The following TRPC6 variants were observed in gnomAD, a reference collection of about 807,000 sequenced individuals.
TRPC6 encodes the protein transient receptor potential cation channel subfamily C member 6.
TRPC6 carries 55 observed loss-of-function variants against 90.7 expected under a neutral mutation model. That is an observed-to-expected ratio of 0.61 (90% confidence interval 0.49 to 0.76). The LOEUF is 0.76. TRPC6 is among the 30% of genes least tolerant of loss of function. The pLI is 0.00. For synonymous variants in TRPC6, 393 were observed against 393.0 expected (o/e 1.00, Z 0.00); for missense variants, 989 against 1,122.7 (o/e 0.88, Z 1.70).
At chr11:101,465,451 C>T (rs1028758364) in intron 10 of TRPC6, among the ~76,000 whole-genome samples, 5 of 152,144 alleles carry the variant, frequency 3.3e-5, no homozygotes, top group Admixed American at 6.5e-5. Context: ...GGTCTTTCCA[C>T]GTAGTCCCAT....
intron 10 of TRPC6, among the ~76,000 whole-genome samples, chr11:101,463,122 C>G (rs543717826): frequency 6.6e-6 from 1 of 152,040 alleles, no homozygotes; most frequent in East Asian, 1.9e-4. Flanking sequence ...TATCGATTTG[C>G]GTATGTTGAA....
At chr11:101,519,163 C>G (rs1422506819) in intron 1 of TRPC6, among the ~76,000 whole-genome samples, 1 of 152,106 alleles carries the variant, frequency 6.6e-6, no homozygotes, top group Non-Finnish European at 1.5e-5. Context: ...AATGACTTAA[C>G]TGTGTATTTA....
chr11:101,532,115 A>G, intron 1 of TRPC6, among the ~76,000 whole-genome samples: 1 of 152,248 alleles, frequency 6.6e-6, no homozygotes, highest in East Asian at 1.9e-4. Flanking sequence ...ACCCAAGGGC[A>G]CATGTATCCT....
intron 1 of TRPC6, among the ~76,000 whole-genome samples, chr11:101,544,730 G>C (rs988148215): frequency 6.6e-6 from 1 of 151,990 alleles, no homozygotes; most frequent in African/African-American, 2.4e-5. Context: ...GGGCCTGTTG[G>C]GGGTGGCGGG....
intron 1 of TRPC6, among the ~76,000 whole-genome samples, chr11:101,581,624 T>TA (rs34336352): frequency 0.73 from 110,563 of 152,106 alleles, 40,578 homozygotes; most frequent in East Asian, 0.99. Context: ...ATCTCAAGTT[T>TA]AACCAATAAA....
intron 10 of TRPC6, among the ~76,000 whole-genome samples, chr11:101,463,430 A>T (rs1859056253): frequency 6.6e-6 from 1 of 152,142 alleles, no homozygotes; most frequent in African/African-American, 2.4e-5. Context: ...CTATGAATCT[A>T]TCTGGTCCTG....
intron 7 of TRPC6, among the ~76,000 whole-genome samples, chr11:101,472,906 T>C (rs1859326857): frequency 6.6e-6 from 1 of 152,092 alleles, no homozygotes; most frequent in Admixed American, 6.6e-5. Flanking sequence ...ACATTTCAGT[T>C]GTTGCTTCTT....
chr11:101,485,311 CTCAA>C (rs1416436489), intron 4 of TRPC6, among the ~76,000 whole-genome samples: 3 of 151,188 alleles, frequency 2.0e-5, no homozygotes, highest in African/African-American at 4.9e-5. Context: ...AAATCAAACT[CTCAA>C]TCAAACGATG....
chr11:101,470,975 A>T (rs1859279912), intron 9 of TRPC6, among the ~76,000 whole-genome samples: 1 of 151,782 alleles, frequency 6.6e-6, no homozygotes, highest in Non-Finnish European at 1.5e-5. Flanking sequence ...TATTTCATGA[A>T]TTTTTCTTAC....
chr11:101,545,261 C>G (rs1861275414), intron 1 of TRPC6, among the ~76,000 whole-genome samples: 1 of 152,008 alleles, frequency 6.6e-6, no homozygotes, highest in South Asian at 2.1e-4. Context: ...AGCAATACAA[C>G]AACTATTACA....
At chr11:101,551,695 C>A (rs532522094) in intron 1 of TRPC6, among the ~76,000 whole-genome samples, 22 of 152,060 alleles carry the variant, frequency 1.4e-4, no homozygotes, top group African/African-American at 5.1e-4. Flanking sequence ...CAATTATTTA[C>A]AGATGGGTCT....
At chr11:101,575,298 T>G (rs1234143958) in intron 1 of TRPC6, among the ~76,000 whole-genome samples, 3 of 152,196 alleles carry the variant, frequency 2.0e-5, no homozygotes, top group Non-Finnish European at 4.4e-5. Flanking sequence ...CGACACAATT[T>G]TGTTAACATT....
chr11:101,462,035 T>C (rs998253214), intron 10 of TRPC6, among the ~76,000 whole-genome samples: 28 of 152,366 alleles, frequency 1.8e-4, no homozygotes, highest in African/African-American at 6.5e-4. Flanking sequence ...TTTCTGCGTA[T>C]GGCTAGCCAG....
At chr11:101,580,896 A>G (rs1187397630) in intron 1 of TRPC6, among the ~76,000 whole-genome samples, 1 of 152,222 alleles carries the variant, frequency 6.6e-6, no homozygotes, top group Non-Finnish European at 1.5e-5. Flanking sequence ...CTACTCTACC[A>G]GAGGGAGTAA....
chr11:101,505,647 A>G (rs1860244782), intron 1 of TRPC6, among the ~76,000 whole-genome samples: 1 of 152,174 alleles, frequency 6.6e-6, no homozygotes, highest in Non-Finnish European at 1.5e-5. Flanking sequence ...TCAGGTAGGA[A>G]AAAACACTTC....
chr11:101,558,163 A>G (rs1861601902), intron 1 of TRPC6, among the ~76,000 whole-genome samples: 1 of 147,804 alleles, frequency 6.8e-6, no homozygotes, highest in Non-Finnish European at 1.5e-5. Context: ...TGGCAAATAC[A>G]CAAACACACA....
intron 1 of TRPC6, among the ~76,000 whole-genome samples, chr11:101,548,325 A>G (rs1861362451): frequency 8.2e-6 from 1 of 121,622 alleles, no homozygotes. Flanking sequence ...ATATAATTAT[A>G]TATAATTGAA....
intron 10 of TRPC6, among the ~76,000 whole-genome samples, chr11:101,458,127 A>G (rs1354776691): frequency 2.0e-5 from 3 of 152,218 alleles, no homozygotes; most frequent in Non-Finnish European, 4.4e-5. Context: ...AAGTTATTAT[A>G]CAAAATTTGA....
chr11:101,506,952 A>G (rs2136748538), intron 1 of TRPC6, among the ~76,000 whole-genome samples: 1 of 150,086 alleles, frequency 6.7e-6, no homozygotes, highest in African/African-American at 2.4e-5. Flanking sequence ...CAGGTTTGGC[A>G]TTACCTATGG....
Sources: allele counts gnomAD v4.1 joint callset (sites outside exome capture counted in the v4.1 genomes callset), GRCh38; gene constraint gnomAD v4.1.1; transcripts MANE v1.5; gene names NCBI Gene and HGNC (gene_info 2026-07-23, HGNC 2026-07-21).